METAP1D: variants seen among roughly 807,000 people sequenced by gnomAD.
METAP1D encodes methionine aminopeptidase 1D, mitochondrial.
In METAP1D, 31 loss-of-function variants were observed where a neutral mutation model predicts 40.5. The observed-to-expected ratio is 0.77, with a 90% CI of 0.58 to 1.03. METAP1D has a LOEUF of 1.03. Ranked by LOEUF, METAP1D falls within the 50% of genes least tolerant of loss-of-function variation. The pLI, the probability that METAP1D is intolerant of heterozygous loss-of-function variation, is 0.00. For synonymous variants in METAP1D, 151 were observed against 146.4 expected (o/e 1.03, Z -0.22); for missense variants, 411 against 420.7 (o/e 0.98, Z 0.20).
chr2:172,070,945 AT>A lies in METAP1D; in HGVS notation c.584del (p.Leu195TrpfsTer12). The A allele has an allele frequency of 6.2e-7, 1 of 1,612,944 alleles. No individual in the cohort carries two copies. The highest frequency in any genetic ancestry group is 1.7e-5 in the Admixed American group (1 of 59,968). ...NGYHGDTSET[F>X]LVGNVDECGK... ...GCTACCATGGAGACACCTCTGAAAC[AT>A]TTTTGGTGGGCAATGTGGACGAATG... On this transcript the variant is annotated frameshift_variant, in exon 6 of 10. Transcript: ENST00000315796. LOFTEE classifies it high-confidence loss of function.
At chr2:172,050,193 A>G (rs192154684) in intron 1 of METAP1D, among the ~76,000 whole-genome samples, 5 of 152,346 alleles carry the variant, frequency 3.3e-5, no homozygotes, top group African/African-American at 1.2e-4. Flanking sequence ...TGCTGTATCT[A>G]GAATTCAGTT....
chr2:172,013,964 G>T (rs952206781), intron 1 of METAP1D, among the ~76,000 whole-genome samples: 10 of 151,482 alleles, frequency 6.6e-5, no homozygotes, highest in African/African-American at 2.4e-4. Context: ...GGGACTGCAG[G>T]TGCGCACCAC....
intron 6 of METAP1D, among the ~76,000 whole-genome samples, chr2:172,075,453 T>C (rs1409394300): frequency 1.3e-5 from 2 of 152,214 alleles, no homozygotes; most frequent in South Asian, 2.1e-4. Context: ...CCTGCCCTGC[T>C]GTTTCCATTT....
At chr2:172,005,789 C>T (rs1688566897) in intron 1 of METAP1D, among the ~76,000 whole-genome samples, 2 of 151,730 alleles carry the variant, frequency 1.3e-5, no homozygotes, top group African/African-American at 4.8e-5. Flanking sequence ...CCACCCACCT[C>T]GGCCTCCCAA....
At position 172,080,133 on chromosome 2, in the gene METAP1D, A is replaced by G. The variant is rs758286487; in HGVS notation, c.856A>G (p.Ile286Val). The change falls in exon 9 of 10, where the codon ATC (isoleucine) becomes GTC (valine). Residue 286 changes from isoleucine (I) to valine (V), a missense_variant. Physicochemically the swap from Ile to Val is conservative, Grantham distance 29. Coordinates refer to ENST00000315796, the MANE Select transcript of METAP1D (RefSeq NM_199227.3). ...AAATATTTTTCCTCTTACAGAGCCAATCATCACGGAGGGATCCCCTGAATT... is the reference window on the plus strand; with the variant it reads ...AAATATTTTTCCTCTTACAGAGCCAGTCATCACGGAGGGATCCCCTGAATT... ...EEGMAFTIEP[I>V]ITEGSPEFKV... 6.0e-5 allele frequency: 97 copies of G among 1,613,882 alleles called. No individual in the cohort carries two copies. In the South Asian group the frequency reaches 6.9e-4, roughly 12 times the overall value.
At chr2:172,032,076 G>A (rs1233403294) in intron 1 of METAP1D, among the ~76,000 whole-genome samples, 1 of 152,154 alleles carries the variant, frequency 6.6e-6, no homozygotes, top group Non-Finnish European at 1.5e-5. Flanking sequence ...AATTTCAATA[G>A]CTAATTTTAC....
At chr2:172,057,762 T>C (rs1690034380) in intron 1 of METAP1D, among the ~76,000 whole-genome samples, 1 of 152,194 alleles carries the variant, frequency 6.6e-6, no homozygotes, top group African/African-American at 2.4e-5. Context: ...TGCCTCAGTA[T>C]CTTCAACTGT....
chr2:172,075,638 C>T (rs1239709705), intron 6 of METAP1D, among the ~76,000 whole-genome samples: 1 of 152,100 alleles, frequency 6.6e-6, no homozygotes, highest in Non-Finnish European at 1.5e-5. Flanking sequence ...CTTGTGCTCC[C>T]CATTTATTCC....
At chr2:172,040,670 G>T (rs375730910) in intron 1 of METAP1D, among the ~76,000 whole-genome samples, 12 of 151,228 alleles carry the variant, frequency 7.9e-5, no homozygotes, top group Non-Finnish European at 1.2e-4. Flanking sequence ...CAAAGTTTTT[G>T]ATCTCTTTTA....
chr2:172,062,602 G>A (rs576838389), intron 2 of METAP1D, among the ~76,000 whole-genome samples: 68 of 152,358 alleles, frequency 4.5e-4, no homozygotes, highest in Middle Eastern at 3.4e-3. Context: ...GCAGAGTGGA[G>A]ACAAGAACAC....
chr2:172,023,098 G>T (rs1689043501), intron 1 of METAP1D, among the ~76,000 whole-genome samples: 1 of 152,188 alleles, frequency 6.6e-6, no homozygotes, highest in Non-Finnish European at 1.5e-5. Flanking sequence ...TGAGGCAGGA[G>T]AATCGCTTGA....
chr2:172,064,218 T>A, intron 3 of METAP1D: 1 of 177,734 alleles, frequency 5.6e-6, no homozygotes, highest in Non-Finnish European at 1.2e-5. Flanking sequence ...ACATTATTTC[T>A]GTGTGCTTGA....
At chr2:172,009,557 G>T (rs1035309465) in intron 1 of METAP1D, among the ~76,000 whole-genome samples, 2 of 152,130 alleles carry the variant, frequency 1.3e-5, no homozygotes, top group African/African-American at 4.8e-5. Context: ...ACGTCATGGA[G>T]CATTGAAATT....
intron 1 of METAP1D, among the ~76,000 whole-genome samples, chr2:172,012,479 T>C (rs1340435110): frequency 6.6e-6 from 1 of 152,178 alleles, no homozygotes; most frequent in Non-Finnish European, 1.5e-5. Context: ...ATCAATTACC[T>C]AGATTTTAAA....
intron 5 of METAP1D, among the ~76,000 whole-genome samples, chr2:172,067,932 C>G (rs1690323912): frequency 6.6e-6 from 1 of 152,148 alleles, no homozygotes; most frequent in South Asian, 2.1e-4. Context: ...TTATCAGATC[C>G]TATGTTTCTA....
At chr2:172,032,620 A>C (rs114544214) in intron 1 of METAP1D, among the ~76,000 whole-genome samples, 2,497 of 152,306 alleles carry the variant, frequency 0.016, 67 homozygotes, top group African/African-American at 0.055. Context: ...TCTGCCAACA[A>C]ATTAAGAAGG....
At chr2:172,022,594 G>A (rs1574098220) in intron 1 of METAP1D, among the ~76,000 whole-genome samples, 2 of 152,044 alleles carry the variant, frequency 1.3e-5, no homozygotes, top group South Asian at 2.1e-4. Flanking sequence ...TAAAAAAAGT[G>A]GAATTGTTAA....
At chr2:172,033,700 C>A (rs972347378) in intron 1 of METAP1D, among the ~76,000 whole-genome samples, 1 of 152,090 alleles carries the variant, frequency 6.6e-6, no homozygotes, top group South Asian at 2.1e-4. Flanking sequence ...AGGAGAATAT[C>A]TAAAGGCTGA....
intron 1 of METAP1D, among the ~76,000 whole-genome samples, chr2:172,034,986 C>CTTTTTT (rs66853451): frequency 8.1e-5 from 11 of 135,572 alleles, no homozygotes; most frequent in East Asian, 4.2e-4. Context: ...GAATTTTTTT[C>CTTTTTT]TTTTTTTTTT....
Sources: allele counts gnomAD v4.1 joint callset (sites outside exome capture counted in the v4.1 genomes callset), GRCh38; gene constraint gnomAD v4.1.1; transcripts MANE v1.5; gene names NCBI Gene and HGNC (gene_info 2026-07-23, HGNC 2026-07-21).